Variants in UACA observed in about 807,000 individuals in gnomAD.
UACA encodes the protein uveal autoantigen with coiled-coil domains and ankyrin repeats.
A neutral mutation model predicts 160.5 loss-of-function variants in UACA; 112 were observed. The observed-to-expected ratio is 0.70, with a 90% confidence interval of 0.60 to 0.82. The LOEUF is 0.82. UACA is among the 40% of genes least tolerant of loss of function. UACA has a pLI of 0.00. For missense variants in UACA, 1,574 were observed against 1,614.6 expected (o/e 0.97, Z 0.43); for synonymous variants, 557 against 568.4 (o/e 0.98, Z 0.29).
intron 5 of UACA, among the ~76,000 whole-genome samples, chr15:70,689,135 G>A (rs141652451): frequency 2.3e-4 from 35 of 152,218 alleles, no homozygotes; most frequent in African/African-American, 7.9e-4. Context: ...CTGCTAGCTA[G>A]AATACGGCTA....
chr15:70,662,305 A>G (rs1229504597), intron 17 of UACA, among the ~76,000 whole-genome samples: 10 of 152,282 alleles, frequency 6.6e-5, no homozygotes, highest in Middle Eastern at 3.4e-3. Flanking sequence ...AACTTACAAG[A>G]GATGTGAAGG....
intron 1 of UACA, chr15:70,748,854 C>CA (rs112379151): frequency 1.3e-5 from 2 of 152,216 alleles, no homozygotes; most frequent in Non-Finnish European, 2.9e-5. Context: ...ATGGATGTGA[C>CA]AAAAAATCAA....
At chr15:70,718,040 C>T (rs905729097) in intron 1 of UACA, among the ~76,000 whole-genome samples, 6 of 151,306 alleles carry the variant, frequency 4.0e-5, no homozygotes, top group Admixed American at 2.0e-4. Flanking sequence ...CACACACACA[C>T]ACACACACAC....
At position 70,687,815 on chromosome 15, in the gene UACA, C is replaced by G. The variant is rs1178317282; in HGVS notation, c.430G>C (p.Ala144Pro). The G allele has an allele frequency of 6.2e-6, 10 of 1,613,426 alleles. No homozygotes were observed. Among genetic ancestry groups the G allele is most frequent in the Non-Finnish European group, 8.5e-6 (10 of 1,179,688 alleles). Reference sequence around the variant, plus strand: ...AGCTGTATGCTAGAAGGACAATCTGCCATTGCTTTAAGGAACAAAAGAAAA... The same window carrying G: ...AGCTGTATGCTAGAAGGACAATCTGGCATTGCTTTAAGGAACAAAAGAAAA... Reference protein sequence around the residue: ...GRTALHDAAMADCPSSIQLLC... With the variant: ...GRTALHDAAMPDCPSSIQLLC... Residue 144 changes from alanine to proline, a missense_variant, in exon 6 of 19, where the codon GCA becomes CCA. By Grantham distance (27) the Ala-to-Pro change is conservative. Coordinates refer to ENST00000322954, the MANE Select transcript of UACA (RefSeq NM_018003.4).
chr15:70,763,570 G>A (rs1055170625), upstream of UACA: 10 of 1,228,334 alleles, frequency 8.1e-6, no homozygotes, highest in Middle Eastern at 3.1e-4. Flanking sequence ...GGCCTGAGGC[G>A]GGGCTCCCCT....
chr15:70,728,550 C>T (rs1429856270), intron 1 of UACA, among the ~76,000 whole-genome samples: 2 of 136,666 alleles, frequency 1.5e-5, no homozygotes, highest in Non-Finnish European at 3.1e-5. Flanking sequence ...GAAACAAGAG[C>T]GAAACCCCAT....
chr15:70,767,250 A>AC (rs1405092105), upstream of UACA, among the ~76,000 whole-genome samples: 2 of 142,874 alleles, frequency 1.4e-5, no homozygotes, highest in East Asian at 3.9e-4. Flanking sequence ...AAAAAAAAAA[A>AC]AAAAAACAAA....
intron 8 of UACA, 106 bp downstream of exon 8, chr15:70,684,159 T>C (rs897741231): frequency 2.1e-6 from 2 of 942,986 alleles, no homozygotes; most frequent in East Asian, 5.0e-5. Flanking sequence ...TGTTTATCAG[T>C]AAGGAATGTT....
At chr15:70,760,194 A>G (rs1417751642) in intron 1 of UACA, among the ~76,000 whole-genome samples, 2 of 152,134 alleles carry the variant, frequency 1.3e-5, no homozygotes, top group African/African-American at 4.8e-5. Context: ...CTTTAACACC[A>G]TAATAAGTAT....
chr15:70,656,442 T>C lies in UACA; in HGVS notation c.*614A>G, dbSNP rs566777165. 6.6e-6 allele frequency: 1 copy of C among 152,330 alleles called. No individual in the cohort carries two copies. Among genetic ancestry groups the C allele is most frequent in the Non-Finnish European group, 1.5e-5 (1 of 68,030 alleles). 9.4% of individuals were successfully genotyped at this position (152,330 alleles called of 1,614,324 possible). A position where few individuals can be genotyped will look rare whatever the true frequency, so the allele number is the denominator to read the frequency against. On this transcript the variant is annotated 3_prime_UTR_variant, in exon 19 of 19. Coordinates refer to ENST00000322954, the MANE Select transcript of UACA (RefSeq NM_018003.4). ...CACCCCTGCCTGTTCTTAATCTAAA[T>C]GTAATTTAGCACTGCAAACCATTTA...
At chr15:70,661,665 G>A (rs1454228636) in intron 17 of UACA, 1 of 152,142 alleles carries the variant, frequency 6.6e-6, no homozygotes, top group Non-Finnish European at 1.5e-5. Context: ...ATGTGTATTA[G>A]TGCATAATTA....
intron 13 of UACA, among the ~76,000 whole-genome samples, chr15:70,676,009 T>C (rs148517160): frequency 5.8e-4 from 89 of 152,304 alleles, no homozygotes; most frequent in African/African-American, 2.0e-3. Flanking sequence ...TACAGCAGCA[T>C]GAACGGACTA....
chr15:70,725,689 C>A (rs537905478), intron 1 of UACA, among the ~76,000 whole-genome samples: 1 of 152,222 alleles, frequency 6.6e-6, no homozygotes, highest in East Asian at 1.9e-4. Context: ...CCTATGTTAT[C>A]ATTGAACCAA....
chr15:70,697,880 G>A (rs543701614), intron 2 of UACA, among the ~76,000 whole-genome samples: 3 of 152,020 alleles, frequency 2.0e-5, no homozygotes, highest in South Asian at 2.1e-4. Context: ...AAGAAACCCC[G>A]TTTCTGCTAA....
At chr15:70,704,097 A>G (rs137957179) in intron 1 of UACA, among the ~76,000 whole-genome samples, 1 of 152,282 alleles carries the variant, frequency 6.6e-6, no homozygotes, top group Non-Finnish European at 1.5e-5. Flanking sequence ...TAATTTGACT[A>G]TATCTAAGGT....
chr15:70,769,338 C>CAAAAAA, the UACA span, among the ~76,000 whole-genome samples: 16 of 77,654 alleles, frequency 2.1e-4, no homozygotes, highest in Admixed American at 8.0e-4. Flanking sequence ...GACTCCGACT[C>CAAAAAA]AAAAAAAAAA....
In UACA at chr15:70,668,044, G is replaced by A. The variant is rs1340023525; in HGVS notation, c.2640C>T (p.Asn880=). ...TTTTCTTCACATCTAATAATTCTCT[G>A]TTAGTTTTGGCTAACGTGTCATTCA... ...MTLNDTLAKT[N]RELLDVKKKF... Residue 880 remains asparagine, a synonymous_variant, in exon 16 of 19, where the codon AAC becomes AAT. Coordinates refer to ENST00000322954, the MANE Select transcript of UACA (RefSeq NM_018003.4). 2 of 1,611,918 alleles carry A rather than the reference G, an allele frequency of 1.2e-6. No homozygotes were observed. The highest frequency in any genetic ancestry group is 3.3e-5 in the Admixed American group (2 of 59,728).
upstream of UACA, among the ~76,000 whole-genome samples, chr15:70,764,219 GGGA>G (rs1379947358): frequency 6.6e-5 from 10 of 152,286 alleles, no homozygotes; most frequent in Admixed American, 2.6e-4. Context: ...GGGGCGGGGA[GGGA>G]GGAGAAGAGG....
Position 70,664,696 on chromosome 15 carries a change from T to C in UACA, c.4079A>G (p.Gln1360Arg). ...TTGCTCCAGAGATTTCACTTGGTGC[T>C]GCAGAGTGTCAATCAGCTGGCTCTG... ...KRQSQLIDTL[Q>R]HQVKSLEQQL... Residue 1360 changes from glutamine to arginine, a missense_variant, in exon 17 of 19, where the codon CAG (glutamine) becomes CGG (arginine). Physicochemically the swap from Gln to Arg is conservative, Grantham distance 43 (BLOSUM62 1). Transcript: ENST00000322954. 6.2e-7 allele frequency: 1 copy of C among 1,613,512 alleles called. No individual in the cohort carries two copies. The highest frequency in any genetic ancestry group is 8.5e-7 in the Non-Finnish European group (1 of 1,179,730).
Sources: gnomAD v4.1 joint callset for allele counts (sites outside exome capture counted in the v4.1 genomes callset) on GRCh38, gnomAD v4.1.1 for gene constraint, MANE v1.5 for transcripts, NCBI Gene and HGNC (gene_info 2026-07-23, HGNC 2026-07-21) for gene names.